Variants in KAZN observed in about 807,000 individuals in gnomAD.
KAZN encodes the protein kazrin, periplakin interacting protein, also known as kazrin.
A neutral mutation model predicts 87.4 loss-of-function variants in KAZN; 40 were observed. The observed-to-expected ratio is 0.46, with a 90% confidence interval of 0.36 to 0.60. KAZN has a LOEUF of 0.60. Ranked by LOEUF, KAZN falls within the 20% of genes least tolerant of loss-of-function variation. KAZN has a pLI of 0.00. For synonymous variants in KAZN, 466 were observed against 458.3 expected (o/e 1.02, Z -0.22); for missense variants, 898 against 1,073.9 (o/e 0.84, Z 2.29).
chr1:14,906,831 C>T (rs997759493), intron 1 of KAZN, among the ~76,000 whole-genome samples: 6 of 150,952 alleles, frequency 4.0e-5, no homozygotes, highest in East Asian at 2.0e-4. Context: ...TTCAATTTGG[C>T]GGGCCCTCTG....
chr1:15,030,457 G>A (rs975497897), intron 2 of KAZN, among the ~76,000 whole-genome samples: 4 of 152,026 alleles, frequency 2.6e-5, no homozygotes, highest in African/African-American at 7.3e-5. Flanking sequence ...TAGTAGAGAC[G>A]GGGTTTCACA....
intron 2 of KAZN, among the ~76,000 whole-genome samples, chr1:14,521,443 G>A (rs958033794): frequency 5.9e-5 from 9 of 152,140 alleles, no homozygotes; most frequent in African/African-American, 1.4e-4. Context: ...GGTAAATTTC[G>A]GCTTTATGAA....
intron 1 of KAZN, among the ~76,000 whole-genome samples, chr1:14,888,398 G>A (rs558826279): frequency 3.3e-5 from 5 of 152,278 alleles, no homozygotes; most frequent in South Asian, 2.1e-4. Flanking sequence ...GAGAGGAAGC[G>A]AGGGACCCAC....
chr1:14,327,068 G>A (rs982504478), intron 2 of KAZN, among the ~76,000 whole-genome samples: 7 of 152,184 alleles, frequency 4.6e-5, no homozygotes, highest in Non-Finnish European at 8.8e-5. Flanking sequence ...GGAACAGTTA[G>A]CACTTTGTAA....
At chr1:13,938,606 C>T (rs979665686) in intron 1 of KAZN, among the ~76,000 whole-genome samples, 10 of 152,186 alleles carry the variant, frequency 6.6e-5, no homozygotes, top group Non-Finnish European at 1.5e-4. Flanking sequence ...AGGGTGGAAC[C>T]CTCACAGATA....
chr1:14,035,644 A>T (rs1156943913), intron 1 of KAZN, among the ~76,000 whole-genome samples: 1 of 145,140 alleles, frequency 6.9e-6, no homozygotes. Context: ...TAATTTTTGT[A>T]TTTTTTTTTT....
At chr1:14,636,358 G>A (rs1392030255) in intron 1 of KAZN, among the ~76,000 whole-genome samples, 1 of 152,186 alleles carries the variant, frequency 6.6e-6, no homozygotes, top group Non-Finnish European at 1.5e-5. Context: ...TGGATTCTGT[G>A]ACCTCTAGAT....
chr1:14,765,133 T>C (rs1644851816), intron 1 of KAZN, among the ~76,000 whole-genome samples: 1 of 152,170 alleles, frequency 6.6e-6, no homozygotes, highest in Admixed American at 6.5e-5. Context: ...TTCTTGGTTG[T>C]GGGGGGCTGT....
At chr1:15,010,389 T>C (rs1669459490) in intron 2 of KAZN, among the ~76,000 whole-genome samples, 1 of 114,502 alleles carries the variant, frequency 8.7e-6, no homozygotes, top group Admixed American at 9.2e-5. Context: ...TGTCTTGCTT[T>C]TTTTTTTTTT....
intron 1 of KAZN, among the ~76,000 whole-genome samples, chr1:13,947,712 G>A (rs1641198976): frequency 6.6e-6 from 1 of 152,204 alleles, no homozygotes; most frequent in South Asian, 2.1e-4. Flanking sequence ...AGGTCAAGGT[G>A]TCAGCGGTGT....
chr1:14,930,922 C>T (rs1350595707), intron 1 of KAZN, among the ~76,000 whole-genome samples: 1 of 152,214 alleles, frequency 6.6e-6, no homozygotes, highest in African/African-American at 2.4e-5. Context: ...GCCCCTTCAC[C>T]CCAGCCCGAA....
chr1:14,435,480 C>T (rs1249461357), intron 2 of KAZN, among the ~76,000 whole-genome samples: 1 of 152,184 alleles, frequency 6.6e-6, no homozygotes, highest in Non-Finnish European at 1.5e-5. Flanking sequence ...GAGGCATGAC[C>T]CGCGCCACCT....
In KAZN at chr1:14,848,795, A is replaced by T. The variant is rs11585094; in HGVS notation, c.227-111889A>T. Among the ~76,000 whole-genome samples the T allele has an allele frequency of 1.4e-3, 208 of 152,184 alleles. 1 individual carries two copies. Among genetic ancestry groups the T allele is most frequent in the African/African-American group, 4.8e-3 (200 of 41,508 alleles). Reference sequence around the variant, plus strand: ...CTTCATCAAGGGCCATGAAGCGGGGACATTTGCATCCTCTTCCTCGGGCTG... The same window carrying T: ...CTTCATCAAGGGCCATGAAGCGGGGTCATTTGCATCCTCTTCCTCGGGCTG... On this transcript the variant is annotated intron_variant, in intron 1 of 14. Transcript: ENST00000376030.
chr1:14,932,630 C>T (rs1408665200), intron 1 of KAZN, among the ~76,000 whole-genome samples: 4 of 152,018 alleles, frequency 2.6e-5, no homozygotes, highest in East Asian at 1.9e-4. Context: ...TTCCAAGGCC[C>T]GTCTTAGCTT....
At chr1:14,943,814 G>A (rs1456927455) in intron 1 of KAZN, among the ~76,000 whole-genome samples, 1 of 152,256 alleles carries the variant, frequency 6.6e-6, no homozygotes, top group Non-Finnish European at 1.5e-5. Flanking sequence ...GCTCACGCCT[G>A]TAATCCCACC....
intron 2 of KAZN, among the ~76,000 whole-genome samples, chr1:14,261,217 G>C (rs1207507339): frequency 6.6e-6 from 1 of 152,138 alleles, no homozygotes; most frequent in Non-Finnish European, 1.5e-5. Flanking sequence ...AAGGAATCTT[G>C]CTGGTCTGAG....
intron 2 of KAZN, among the ~76,000 whole-genome samples, chr1:14,259,865 A>G (rs1335832019): frequency 6.6e-6 from 1 of 152,224 alleles, no homozygotes; most frequent in Non-Finnish European, 1.5e-5. Flanking sequence ...GACTGGGTCC[A>G]GGAAATACCA....
chr1:14,697,256 G>A (rs1321264941), intron 1 of KAZN, among the ~76,000 whole-genome samples: 3 of 151,826 alleles, frequency 2.0e-5, no homozygotes, highest in South Asian at 2.1e-4. Context: ...TTTAAGCCCC[G>A]GGGGTCAAGG....
intron 1 of KAZN, among the ~76,000 whole-genome samples, chr1:14,828,522 G>T (rs553851967): frequency 1.3e-5 from 2 of 152,254 alleles, no homozygotes; most frequent in South Asian, 4.2e-4. Flanking sequence ...CTGCTCAACG[G>T]AGTCCCAGAA....
Sources: allele counts gnomAD v4.1 joint callset (sites outside exome capture counted in the v4.1 genomes callset), GRCh38; gene constraint gnomAD v4.1.1; transcripts MANE v1.5; gene names NCBI Gene and HGNC (gene_info 2026-07-23, HGNC 2026-07-21).